FBLN1: variants seen among roughly 807,000 people sequenced by gnomAD.
The protein encoded by FBLN1 is fibulin 1, also known as fibulin-1.
Under a neutral mutation model 89.7 loss-of-function variants are expected in FBLN1, and 34 were observed. The ratio of observed to expected loss-of-function variants is 0.38; its 90% CI spans 0.29 to 0.50. FBLN1 has a LOEUF of 0.50. Among genes scored for constraint, FBLN1 ranks in the 20% least tolerant of loss-of-function variants. The pLI, the probability that FBLN1 is intolerant of heterozygous loss-of-function variation, is 0.92. For synonymous variants in FBLN1, 393 were observed against 391.3 expected (o/e 1.00, Z -0.05); for missense variants, 777 against 988.1 (o/e 0.79, Z 2.86).
chr22:45,511,405 C>T (rs1414033346), intron 1 of FBLN1, among the ~76,000 whole-genome samples: 4 of 151,180 alleles, frequency 2.6e-5, no homozygotes, highest in Admixed American at 6.6e-5. Context: ...CCACCTGCCT[C>T]GGCCTCTCAA....
chr22:45,546,695 G>A (rs1022532769), intron 11 of FBLN1, among the ~76,000 whole-genome samples: 1 of 152,228 alleles, frequency 6.6e-6, no homozygotes, highest in African/African-American at 2.4e-5. Flanking sequence ...GTATGGGCTG[G>A]GTGGCCGAGG....
chr22:45,566,920 T>G (rs966922631), intron 14 of FBLN1, among the ~76,000 whole-genome samples: 1 of 152,228 alleles, frequency 6.6e-6, no homozygotes, highest in Admixed American at 6.5e-5. Flanking sequence ...AGCTAACACA[T>G]AGAGTGCTGA....
chr22:45,574,773 C>CTTTA lies in FBLN1; in HGVS notation c.1840+123_1840+124insATTT. ...GTGGCCCAGGCTTTGAAATGCAGAA[C>CTTTA]TTTCTTTTTTTTTTTTTTTTTTTTT... On this transcript the variant is annotated intron_variant, in intron 15 of 16. Coordinates refer to ENST00000327858, the MANE Select transcript of FBLN1 (RefSeq NM_006486.3). The surrounding 1 kb of genome is among the most constrained non-coding windows in gnomAD (Gnocchi z 4.1). The CTTTA allele has an allele frequency of 5.1e-6, 3 of 591,802 alleles. No individual in the cohort carries two copies. Among genetic ancestry groups the CTTTA allele is most frequent in the Non-Finnish European group, 8.4e-6 (3 of 355,712 alleles). The allele number at this position is 591,802 out of a possible 1,614,324, so 36.7% of individuals were successfully genotyped here. A position where few individuals can be genotyped will look rare whatever the true frequency, so the allele number is the denominator to read the frequency against.
intron 11 of FBLN1, among the ~76,000 whole-genome samples, chr22:45,546,249 G>A (rs1447081976): frequency 1.3e-5 from 2 of 151,942 alleles, no homozygotes; most frequent in Admixed American, 1.3e-4. Flanking sequence ...ACGGAGTCTC[G>A]CTCTGTCGCC....
chr22:45,522,145 G>C (rs996637020), intron 2 of FBLN1, among the ~76,000 whole-genome samples: 4 of 152,030 alleles, frequency 2.6e-5, no homozygotes, highest in Non-Finnish European at 5.9e-5. Flanking sequence ...GTCACCATGC[G>C]TGGCTAATTT....
At chr22:45,600,279 T>C (rs1555964970) in intron 16 of FBLN1, 28 bp from the exon 17 acceptor site, 1 of 1,614,186 alleles carries the variant, frequency 6.2e-7, no homozygotes, top group South Asian at 1.1e-5. Context: ...CCTTCTAACT[T>C]CCAGCACACC....
intron 14 of FBLN1, among the ~76,000 whole-genome samples, chr22:45,554,051 C>T (rs1353393509): frequency 1.3e-5 from 2 of 152,168 alleles, no homozygotes; most frequent in Non-Finnish European, 1.5e-5. Flanking sequence ...TAAGACAGGC[C>T]GACTTTGAAA....
chr22:45,527,208 G>C (rs138443512), intron 3 of FBLN1, among the ~76,000 whole-genome samples: 10 of 152,206 alleles, frequency 6.6e-5, no homozygotes, highest in Non-Finnish European at 4.4e-5. Flanking sequence ...AGGGCTTTTC[G>C]TGTGTCAGGG....
intron 16 of FBLN1, among the ~76,000 whole-genome samples, chr22:45,599,753 A>C (rs553353924): frequency 6.6e-6 from 1 of 152,240 alleles, no homozygotes; most frequent in East Asian, 1.9e-4. Flanking sequence ...CCCCGTCTCT[A>C]CTAAAAATAT....
At chr22:45,547,242 C>G (rs370504340) in intron 12 of FBLN1, 38 bp downstream of exon 12, 1 of 1,610,586 alleles carries the variant, frequency 6.2e-7, no homozygotes, top group Non-Finnish European at 8.5e-7. Context: ...GAAAGCACCC[C>G]CTGGTCTTGC....
chr22:45,599,810 G>T (rs548297453), intron 16 of FBLN1, among the ~76,000 whole-genome samples: 28 of 152,098 alleles, frequency 1.8e-4, no homozygotes, highest in Admixed American at 8.5e-4. Context: ...CCAGCTACTC[G>T]GGAGGCTGAG....
chr22:45,577,056 C>T lies in FBLN1; in HGVS notation c.1920C>T (p.Asn640=), dbSNP rs777586035. ...ANIIFDITEG[N]LRDSFDIIKR... is the part of the protein sequence containing the mutation. Reference sequence around the variant, plus strand: ...TCATCTTCGACATCACGGAAGGGAACCTGCGGGACTCTTTTGACATCATCA... The same window carrying T: ...TCATCTTCGACATCACGGAAGGGAATCTGCGGGACTCTTTTGACATCATCA... The change falls in exon 16 of 17, where the codon AAC becomes AAT. Residue 640 remains asparagine, a synonymous_variant. Transcript: ENST00000327858. This position sits in a 1 kb window ranked among gnomAD's most constrained non-coding sequence, Gnocchi z 6.6. 2 of 1,614,166 alleles carry T rather than the reference C, an allele frequency of 1.2e-6. No homozygotes were observed. The highest frequency in any genetic ancestry group is 1.7e-5 in the Admixed American group (1 of 60,030).
chr22:45,542,308 C>T (rs371321074), intron 10 of FBLN1, 25 bp downstream of exon 10: 72 of 1,613,046 alleles, frequency 4.5e-5, no homozygotes, highest in East Asian at 2.2e-4. Context: ...CCGCAGGCCT[C>T]GGGGGAACCC....
intron 12 of FBLN1, among the ~76,000 whole-genome samples, 190 bp from the exon 13 acceptor site, chr22:45,548,423 C>T (rs1569250627): frequency 6.6e-6 from 1 of 152,230 alleles, no homozygotes; most frequent in African/African-American, 2.4e-5. Flanking sequence ...ACACCATGAA[C>T]TTGCTGTGTG....
chr22:45,547,502 C>A (rs1169676941), intron 12 of FBLN1, among the ~76,000 whole-genome samples: 1 of 146,300 alleles, frequency 6.8e-6, no homozygotes, highest in African/African-American at 2.5e-5. Context: ...CTCAAGTGAT[C>A]CTCCCACCTC....
At chr22:45,533,264 C>T in intron 6 of FBLN1, 100 bp downstream of exon 6, 1 of 1,124,454 alleles carries the variant, frequency 8.9e-7, no homozygotes, top group Non-Finnish European at 1.3e-6. Context: ...ACAACCCAGA[C>T]CCCATTCAGG....
chr22:45,589,664 T>C (rs1401431102), intron 16 of FBLN1, among the ~76,000 whole-genome samples: 1 of 152,170 alleles, frequency 6.6e-6, no homozygotes, highest in Admixed American at 6.5e-5. Flanking sequence ...TGTCCCCTCC[T>C]GCTGAACTCC....
At chr22:45,589,638 C>T (rs891287789) in intron 16 of FBLN1, among the ~76,000 whole-genome samples, 3 of 152,152 alleles carry the variant, frequency 2.0e-5, no homozygotes, top group African/African-American at 7.2e-5. Flanking sequence ...AGTGATGGTT[C>T]TCCACCAACT....
intron 14 of FBLN1, among the ~76,000 whole-genome samples, chr22:45,569,707 G>A (rs1358348237): frequency 2.6e-5 from 4 of 152,024 alleles, no homozygotes; most frequent in Non-Finnish European, 5.9e-5. Context: ...CATGCACAGA[G>A]GGAAGACCAT....
Sources: allele counts gnomAD v4.1 joint callset (sites outside exome capture counted in the v4.1 genomes callset), GRCh38; gene constraint gnomAD v4.1.1; non-coding constraint Gnocchi (gnomAD v3.1); transcripts MANE v1.5; gene names NCBI Gene and HGNC (gene_info 2026-07-23, HGNC 2026-07-21).